Variants in MYO3B observed in about 807,000 individuals in gnomAD.
MYO3B encodes the protein myosin-IIIb.
In MYO3B, 156 loss-of-function variants were observed where a neutral mutation model predicts 174.6. The observed-to-expected ratio is 0.89, with a 90% confidence interval of 0.78 to 1.02. The LOEUF (loss-of-function observed/expected upper bound fraction) is 1.02, where lower values mean the gene tolerates loss of function less well. Ranked by LOEUF, MYO3B falls within the 50% of genes least tolerant of loss-of-function variation. The pLI is 0.00. For synonymous variants in MYO3B, 563 were observed against 569.1 expected (o/e 0.99, Z 0.15); for missense variants, 1,632 against 1,639.4 (o/e 1.00, Z 0.08).
At chr2:170,307,724 G>A (rs1284606082) in intron 7 of MYO3B, among the ~76,000 whole-genome samples, 2 of 152,226 alleles carry the variant, frequency 1.3e-5, no homozygotes, top group Non-Finnish European at 2.9e-5. Flanking sequence ...TGCTCTTGCA[G>A]AGCAGGGTCA....
chr2:170,403,119 G>T, intron 19 of MYO3B, 124 bp downstream of exon 19: 1 of 879,900 alleles, frequency 1.1e-6, no homozygotes, highest in Non-Finnish European at 1.6e-6. Flanking sequence ...ATAGGGTAAG[G>T]CAGTCCTGGC....
intron 30 of MYO3B, among the ~76,000 whole-genome samples, chr2:170,520,317 G>A (rs145091387): frequency 4.1e-3 from 626 of 152,058 alleles, no homozygotes; most frequent in Non-Finnish European, 6.5e-3. Flanking sequence ...GCCAGGCATG[G>A]TGGTATGTGC....
chr2:170,263,869 G>C (rs752203664), intron 7 of MYO3B, among the ~76,000 whole-genome samples: 1 of 152,092 alleles, frequency 6.6e-6, no homozygotes, highest in Non-Finnish European at 1.5e-5. Context: ...CCGGTATCTC[G>C]GGCTGGGGGA....
At chr2:170,239,855 A>G (rs926551957) in intron 7 of MYO3B, among the ~76,000 whole-genome samples, 1 of 152,186 alleles carries the variant, frequency 6.6e-6, no homozygotes, top group Non-Finnish European at 1.5e-5. Context: ...AGCAACAGAC[A>G]TTTATTCTCT....
At chr2:170,466,224 C>T (rs186103012) in intron 24 of MYO3B, among the ~76,000 whole-genome samples, 35 of 149,174 alleles carry the variant, frequency 2.3e-4, no homozygotes, top group Admixed American at 2.1e-3. Flanking sequence ...CATTCTAGTT[C>T]TGGCGGTGGA....
chr2:170,545,339 G>C (rs1026670489), intron 32 of MYO3B, among the ~76,000 whole-genome samples: 2 of 152,312 alleles, frequency 1.3e-5, no homozygotes, highest in African/African-American at 4.8e-5. Flanking sequence ...ATGCATATCT[G>C]AGTGGTTTTA....
intron 7 of MYO3B, among the ~76,000 whole-genome samples, chr2:170,305,623 C>A (rs912718359): frequency 6.6e-6 from 1 of 152,184 alleles, no homozygotes; most frequent in Admixed American, 6.5e-5. Context: ...CTGTGCCCAT[C>A]ATTCAAGTAG....
intron 7 of MYO3B, among the ~76,000 whole-genome samples, chr2:170,250,816 C>T (rs72887555): frequency 6.6e-6 from 1 of 151,920 alleles, no homozygotes; most frequent in African/African-American, 2.4e-5. Flanking sequence ...AGATGATATT[C>T]CCCTGGAGTT....
At chr2:170,566,699 A>G (rs1692098010) in intron 32 of MYO3B, among the ~76,000 whole-genome samples, 1 of 152,170 alleles carries the variant, frequency 6.6e-6, no homozygotes, top group Admixed American at 6.5e-5. Context: ...TCAAATTTTA[A>G]AAAGTTGTGT....
intron 7 of MYO3B, among the ~76,000 whole-genome samples, chr2:170,284,742 A>G (rs1179855098): frequency 1.1e-4 from 16 of 152,182 alleles, no homozygotes; most frequent in Admixed American, 9.8e-4. Flanking sequence ...GAATTTGCAC[A>G]TTTGCTTAAA....
chr2:170,623,605 T>A (rs1216888044), intron 32 of MYO3B, among the ~76,000 whole-genome samples: 1 of 152,228 alleles, frequency 6.6e-6, no homozygotes, highest in Admixed American at 6.5e-5. Context: ...ATTTTGGCTT[T>A]TGTTGCCATT....
At position 170,482,302 on chromosome 2, in the gene MYO3B, G is replaced by A. The variant is rs144681276; in HGVS notation, c.3014+15591G>A. ...CTCGAGTAGCTGGGATTACAGGTGC[G>A]CACCACCATGCCTAACTAATTTTTG... On this transcript the variant is annotated intron_variant, in intron 25 of 34. Transcript: ENST00000408978. Among the ~76,000 whole-genome samples, 320 of 152,126 alleles carry A rather than the reference G, an allele frequency of 2.1e-3. 6 individuals are homozygous for A. In the South Asian group the frequency reaches 0.041, roughly 19 times the overall value.
intron 32 of MYO3B, chr2:170,644,385 C>G (rs1164154441): frequency 6.6e-6 from 1 of 151,954 alleles, no homozygotes; most frequent in Admixed American, 6.6e-5. Flanking sequence ...CTCCCAGGTT[C>G]AAATGATTCT....
chr2:170,369,897 C>T (rs1327080248), intron 9 of MYO3B, among the ~76,000 whole-genome samples: 1 of 152,068 alleles, frequency 6.6e-6, no homozygotes, highest in East Asian at 1.9e-4. Context: ...TCTTTAGAGT[C>T]GATTTGGTAT....
chr2:170,305,425 C>G (rs1263545574), intron 7 of MYO3B, among the ~76,000 whole-genome samples: 2 of 152,304 alleles, frequency 1.3e-5, no homozygotes, highest in Non-Finnish European at 2.9e-5. Context: ...CACACTTATT[C>G]CTCCAGAGGC....
chr2:170,630,942 G>T (rs1290346417), intron 32 of MYO3B, among the ~76,000 whole-genome samples: 1 of 152,230 alleles, frequency 6.6e-6, no homozygotes, highest in Non-Finnish European at 1.5e-5. Context: ...AAACCACAAA[G>T]ATGGGAAGAT....
At chr2:170,366,808 C>T (rs993776928) in intron 8 of MYO3B, among the ~76,000 whole-genome samples, 1 of 152,166 alleles carries the variant, frequency 6.6e-6, no homozygotes, top group Non-Finnish European at 1.5e-5. Context: ...CCTTGCTTCT[C>T]CAGTGGATGC....
rs758246527 is a variant in MYO3B, at chr2:170,401,589, C to T, written c.2027C>T (p.Ala676Val). 8.1e-6 allele frequency: 13 copies of T among 1,614,128 alleles called. No homozygotes were observed. The Admixed American group carries it at 1.7e-4, about 21-fold the overall frequency. ...ATCCGTGCCAACACTGTAGACAGGGCTGCGGACGTTCGAGACGCCATGTCC... is the reference window on the plus strand; with the variant it reads ...ATCCGTGCCAACACTGTAGACAGGGTTGCGGACGTTCGAGACGCCATGTCC... ...TIIRANTVDR[A>V]ADVRDAMSKA... is the part of the protein sequence containing the mutation. The change falls in exon 18 of 35, where the codon GCT becomes GTT. Residue 676 changes from alanine to valine, a missense_variant. Transcript: ENST00000408978.
Position 170,499,859 on chromosome 2 carries a change from A to G in MYO3B, c.3289+51A>G, listed in dbSNP as rs760814089. On this transcript the variant is annotated intron_variant, in intron 27 of 34. Coordinates refer to ENST00000408978, the MANE Select transcript of MYO3B (RefSeq NM_138995.5). Reference sequence around the variant, plus strand: ...CTGCCCTGGGTATTGGCATGTCATTAAGTACTGGGGAATACTCAACTGTTT... The same window carrying G: ...CTGCCCTGGGTATTGGCATGTCATTGAGTACTGGGGAATACTCAACTGTTT... The G allele has an allele frequency of 2.4e-5, 38 of 1,575,944 alleles. 1 individual carries two copies. In the South Asian group the frequency reaches 3.6e-4, roughly 15 times the overall value.
Sources: allele counts gnomAD v4.1 joint callset (sites outside exome capture counted in the v4.1 genomes callset), GRCh38; gene constraint gnomAD v4.1.1; transcripts MANE v1.5; gene names NCBI Gene and HGNC (gene_info 2026-07-23, HGNC 2026-07-21).